Variants in ARSJ observed in about 807,000 individuals in gnomAD.
ARSJ encodes arylsulfatase J.
Under a neutral mutation model 35.9 loss-of-function variants are expected in ARSJ, and 26 were observed. The ratio of observed to expected loss-of-function variants is 0.72; its 90% CI spans 0.53 to 1.00. The LOEUF (loss-of-function observed/expected upper bound fraction) is 1.00, where lower values mean the gene tolerates loss of function less well. ARSJ is among the 50% of genes least tolerant of loss of function. The pLI is 0.00. For missense variants in ARSJ, 667 were observed against 723.6 expected (o/e 0.92, Z 0.90); for synonymous variants, 294 against 267.6 (o/e 1.10, Z -0.96).
chr4:113,924,076 AATATATATATATATATATAT>A (rs1164333093), intron 1 of ARSJ, among the ~76,000 whole-genome samples: 1 of 95,758 alleles, frequency 1.0e-5, no homozygotes, highest in African/African-American at 4.8e-5. Context: ...AATATATATA[AATATATATATATATATATAT>A]ATATATATAT....
chr4:113,930,967 T>G (rs559538014), intron 1 of ARSJ, among the ~76,000 whole-genome samples: 1 of 151,170 alleles, frequency 6.6e-6, no homozygotes. Context: ...TAGGTGGGAA[T>G]TGAACAATGA....
intron 1 of ARSJ, among the ~76,000 whole-genome samples, chr4:113,931,099 G>A (rs140008419): frequency 3.3e-5 from 5 of 151,266 alleles, no homozygotes; most frequent in African/African-American, 4.9e-5. Flanking sequence ...TGGGTGCAGC[G>A]CACCAGCATG....
intron 1 of ARSJ, among the ~76,000 whole-genome samples, chr4:113,910,687 G>C (rs2099670169): frequency 6.6e-6 from 1 of 152,012 alleles, no homozygotes. Context: ...AAGTGGGGCG[G>C]GCTGTGGCAA....
chr4:113,926,396 C>T (rs1308563273), intron 1 of ARSJ, among the ~76,000 whole-genome samples: 1 of 152,144 alleles, frequency 6.6e-6, no homozygotes, highest in Non-Finnish European at 1.5e-5. Flanking sequence ...CTCTTTCCTT[C>T]GGGGATGTCC....
chr4:113,950,543 G>A (rs951994667), intron 1 of ARSJ, among the ~76,000 whole-genome samples: 1 of 151,984 alleles, frequency 6.6e-6, no homozygotes, highest in Non-Finnish European at 1.5e-5. Flanking sequence ...TTGAAAGAGA[G>A]AGAAAGAGGG....
At chr4:113,920,194 T>C (rs1723581924) in intron 1 of ARSJ, among the ~76,000 whole-genome samples, 1 of 152,302 alleles carries the variant, frequency 6.6e-6, no homozygotes, top group African/African-American at 2.4e-5. Flanking sequence ...TTACACAAGA[T>C]GATTTTGGTG....
chr4:113,942,046 T>C (rs1347532095), intron 1 of ARSJ, among the ~76,000 whole-genome samples: 1 of 151,944 alleles, frequency 6.6e-6, no homozygotes, highest in Non-Finnish European at 1.5e-5. Flanking sequence ...GGAAGGCAGA[T>C]TGGATTCCAG....
intron 1 of ARSJ, among the ~76,000 whole-genome samples, chr4:113,967,146 T>G (rs1294035251): frequency 6.6e-6 from 1 of 152,188 alleles, no homozygotes; most frequent in Non-Finnish European, 1.5e-5. Flanking sequence ...TTGAGAAAGA[T>G]AATTTTCAAC....
At chr4:113,924,066 AATATATATAAATATATATATATATAT>A (rs1261408937) in intron 1 of ARSJ, among the ~76,000 whole-genome samples, 32 of 107,454 alleles carry the variant, frequency 3.0e-4, no homozygotes, top group East Asian at 1.6e-3. Context: ...AATATATATA[AATATATATAAATATATATATATATAT>A]ATATATATAT....
At chr4:113,950,852 G>A (rs888773585) in intron 1 of ARSJ, among the ~76,000 whole-genome samples, 1 of 152,062 alleles carries the variant, frequency 6.6e-6, no homozygotes, top group Non-Finnish European at 1.5e-5. Context: ...TTATGAGGCA[G>A]CACCCTATTC....
chr4:113,914,307 C>T (rs1169240058), intron 1 of ARSJ, among the ~76,000 whole-genome samples: 2 of 152,154 alleles, frequency 1.3e-5, no homozygotes, highest in African/African-American at 4.8e-5. Context: ...CATGATCTCT[C>T]ACTCTGCTTT....
chr4:113,901,974 T>TAC lies in ARSJ; in HGVS notation c.*299_*300insGT. On this transcript the variant is annotated 3_prime_UTR_variant, in exon 2 of 2. Coordinates refer to ENST00000315366, the MANE Select transcript of ARSJ (RefSeq NM_024590.4). ...CTCCTCCTATAATTCAAAGCAGTGT[T>TAC]TGGTCAGTTGACTGAAGCACAGCAG... 1.8e-6 allele frequency: 1 copy of TAC among 566,166 alleles called. No individual in the cohort carries two copies. The highest frequency in any genetic ancestry group is 2.9e-6 in the Non-Finnish European group (1 of 343,654). The allele number at this position is 566,166 out of a possible 1,614,324, so 35.1% of individuals were successfully genotyped here.
intron 1 of ARSJ, among the ~76,000 whole-genome samples, chr4:113,972,665 A>G (rs1727348267): frequency 6.6e-6 from 1 of 152,166 alleles, no homozygotes. Context: ...GCATGCCACC[A>G]CACACAGCTA....
At chr4:113,958,520 A>G (rs1190878470) in intron 1 of ARSJ, among the ~76,000 whole-genome samples, 1 of 152,084 alleles carries the variant, frequency 6.6e-6, no homozygotes. Context: ...TATGATAACC[A>G]AAGAAGGTCT....
rs182998338 is a variant in ARSJ at position 113,960,067 on chromosome 4, A to T, written c.398+18370T>A. ...TTTTTCAGTATTTTGTTTCTCATTC[A>T]GACAGCTTCCTACTGGTTTCCCTGT... On this transcript the variant is annotated intron_variant, in intron 1 of 1. Transcript: ENST00000315366. Among the ~76,000 whole-genome samples the T allele has an allele frequency of 5.4e-4, 82 of 152,062 alleles. 1 individual carries two copies. The East Asian group carries it at 0.011, about 20-fold the overall frequency.
intron 1 of ARSJ, among the ~76,000 whole-genome samples, chr4:113,972,931 C>A (rs1727367314): frequency 6.6e-6 from 1 of 152,164 alleles, no homozygotes; most frequent in Admixed American, 6.5e-5. Flanking sequence ...GCTCTTGTCT[C>A]CCTTTAAAAG....
chr4:113,972,144 A>G (rs1175858547), intron 1 of ARSJ, among the ~76,000 whole-genome samples: 1 of 152,120 alleles, frequency 6.6e-6, no homozygotes, highest in Non-Finnish European at 1.5e-5. Context: ...TCTGGATTCT[A>G]TCTTCCTAGA....
In ARSJ at chr4:113,906,119, G is replaced by T. The variant is rs571831638; in HGVS notation, c.399-2444C>A. ...ACAAATTAGTAAATACCCATTAATG[G>T]AAACTTGGAGGAAATTAAAAAGGGA... On this transcript the variant is annotated intron_variant, in intron 1 of 1. Coordinates refer to ENST00000315366, the MANE Select transcript of ARSJ (RefSeq NM_024590.4). Among the ~76,000 whole-genome samples the T allele has an allele frequency of 1.2e-3, 190 of 152,204 alleles. 1 individual carries two copies. Among genetic ancestry groups the T allele is most frequent in the African/African-American group, 4.3e-3 (180 of 41,540 alleles).
At chr4:113,959,659 CACAG>C (rs1726417045) in intron 1 of ARSJ, among the ~76,000 whole-genome samples, 1 of 152,070 alleles carries the variant, frequency 6.6e-6, no homozygotes, top group South Asian at 2.1e-4. Flanking sequence ...ATACAAATTT[CACAG>C]ACAGTATATT....
Sources: gnomAD v4.1 joint callset for allele counts (sites outside exome capture counted in the v4.1 genomes callset) on GRCh38, gnomAD v4.1.1 for gene constraint, MANE v1.5 for transcripts, NCBI Gene and HGNC (gene_info 2026-07-23, HGNC 2026-07-21) for gene names.